JOSD2: variants seen among roughly 807,000 people sequenced by gnomAD.
JOSD2 encodes the protein Josephin domain containing 2.
A neutral mutation model predicts 19.3 loss-of-function variants in JOSD2; 20 were observed. That is an observed-to-expected ratio of 1.04 (90% CI 0.73 to 1.51). The LOEUF is 1.51. JOSD2 is among the 40% of genes most tolerant of loss of function. The probability of loss-of-function intolerance (pLI) is 0.00; values close to 1 mark genes in which losing one functional copy is unlikely to be tolerated. For missense variants in JOSD2, 215 were observed against 250.4 expected (o/e 0.86, Z 0.95); for synonymous variants, 118 against 123.7 (o/e 0.95, Z 0.31).
chr19:50,506,140 G>A lies in JOSD2; in HGVS notation c.*33C>T. 1 of 1,591,800 alleles carries A rather than the reference G, an allele frequency of 6.3e-7. No individual in the cohort carries two copies. Among genetic ancestry groups the A allele is most frequent in the Non-Finnish European group, 8.6e-7 (1 of 1,162,462 alleles). On this transcript the variant is annotated 3_prime_UTR_variant, in exon 5 of 5. Coordinates refer to ENST00000598418, the MANE Select transcript of JOSD2 (RefSeq NM_001270639.2). Reference sequence around the variant, plus strand: ...GCGCAGCCGGAGGGGGATGCGCAGGGACTGCGCTGTGGGCGCCGATGGTCA... The same window carrying A: ...GCGCAGCCGGAGGGGGATGCGCAGGAACTGCGCTGTGGGCGCCGATGGTCA...
chr19:50,506,800 TCCAC>T (rs1317084564), intron 3 of JOSD2, among the ~76,000 whole-genome samples: 1 of 14,578 alleles, frequency 6.9e-5, no homozygotes, highest in East Asian at 3.5e-3. Flanking sequence ...CCACCCACCG[TCCAC>T]CCACCCACCC....
intron 2 of JOSD2, 132 bp downstream of exon 2, chr19:50,510,154 C>G: frequency 9.4e-7 from 1 of 1,061,558 alleles, no homozygotes; most frequent in Non-Finnish European, 1.4e-6. Context: ...AGAGTCCCAG[C>G]GTCTAGCTTA....
At chr19:50,509,998 A>G in intron 2 of JOSD2, 1 of 298,248 alleles carries the variant, frequency 3.4e-6, no homozygotes, top group Non-Finnish European at 6.2e-6. Context: ...GCTCGCAGTG[A>G]GCGAGATCGC....
intron 1 of JOSD2, 93 bp downstream of exon 1, chr19:50,511,024 C>T (rs938665258): frequency 2.3e-6 from 1 of 444,186 alleles, no homozygotes; most frequent in Non-Finnish European, 4.5e-6. Context: ...CACCCAGCAA[C>T]CAGGCCCCCT....
At chr19:50,510,588 C>T in intron 1 of JOSD2, 140 bp from the exon 2 acceptor site, 1 of 708,038 alleles carries the variant, frequency 1.4e-6, no homozygotes, top group Non-Finnish European at 2.3e-6. Flanking sequence ...TGACCCCGCT[C>T]CCTGGCAGTC....
At chr19:50,509,967 G>A (rs866100474) in intron 2 of JOSD2, among the ~76,000 whole-genome samples, 2 of 149,102 alleles carry the variant, frequency 1.3e-5, no homozygotes, top group South Asian at 2.1e-4. Flanking sequence ...GCAGGAGAAT[G>A]GCATGAACCC....
In JOSD2 at chr19:50,506,044, C is replaced by T; in HGVS notation, c.*129G>A. The T allele has an allele frequency of 1.3e-6, 1 of 776,812 alleles. No homozygotes were observed. The highest frequency in any genetic ancestry group is 2.1e-6 in the Non-Finnish European group (1 of 486,482). 48.1% of individuals were successfully genotyped at this position (776,812 alleles called of 1,614,324 possible). ...TTGAGGCAGCAGCGGCAGTGGGGAG[C>T]AGGGGTGTGGGGAGGGGGCGGGGCC... is the stretch of plus-strand genomic sequence containing the variant. On this transcript the variant is annotated 3_prime_UTR_variant, in exon 5 of 5. Transcript: ENST00000598418.
chr19:50,506,632 T>C (rs1011086419), intron 3 of JOSD2, 60 bp from the exon 4 acceptor site: 3 of 1,426,004 alleles, frequency 2.1e-6, no homozygotes, highest in Non-Finnish European at 2.8e-6. Context: ...GGTGAAATGT[T>C]GCTGAACATG....
chr19:50,508,240 C>T (rs1004799862), intron 2 of JOSD2, among the ~76,000 whole-genome samples: 2 of 152,244 alleles, frequency 1.3e-5, no homozygotes, highest in Non-Finnish European at 2.9e-5. Flanking sequence ...TCAGATGTCA[C>T]GTCCTCTGAG....
At position 50,510,303 on chromosome 19, in the gene JOSD2, G is replaced by C; in HGVS notation, c.129C>G (p.Ala43=). Residue 43 remains alanine (A), a synonymous_variant, in exon 2 of 5, where the codon GCC becomes GCG. Transcript: ENST00000598418. ...ACGGTCACCTCTTGCAGATCTCATC[G>C]GCAGCCTCCTGGCTAAAGAGCTGCT... ...LQQQLFSQEA[A]DEICKRLAPD... 7 of 1,613,402 alleles carry C rather than the reference G, an allele frequency of 4.3e-6. No homozygotes were observed. The South Asian group carries it at 5.5e-5, about 13-fold the overall frequency.
chr19:50,510,113 G>A, intron 2 of JOSD2, 173 bp downstream of exon 2: 2 of 662,608 alleles, frequency 3.0e-6, no homozygotes, highest in Non-Finnish European at 5.1e-6. Flanking sequence ...AGGCCACAGG[G>A]ACAGACAGGC....
In JOSD2 at chr19:50,510,435, G is replaced by T; in HGVS notation, c.-4C>A. On this transcript the variant is annotated 5_prime_UTR_variant, in exon 2 of 5. Coordinates refer to ENST00000598418, the MANE Select transcript of JOSD2 (RefSeq NM_001270639.2). ...GTGCTCCCGGGGCCTGGGACATGCC[G>T]TCCTCGGCTCCTGCTGGGGGTTGGG... 1 of 1,603,246 alleles carries T rather than the reference G, an allele frequency of 6.2e-7. No homozygotes were observed. Among genetic ancestry groups the T allele is most frequent in the Non-Finnish European group, 8.5e-7 (1 of 1,174,402 alleles).
Position 50,506,582 on chromosome 19 carries a change from C to G in JOSD2, c.273-10G>C. 3 of 1,510,420 alleles carry G rather than the reference C, an allele frequency of 2.0e-6. No individual in the cohort carries two copies. The highest frequency in any genetic ancestry group is 2.7e-6 in the Non-Finnish European group (3 of 1,126,578). 93.6% of individuals were successfully genotyped at this position (1,510,420 alleles called of 1,614,324 possible). A position where few individuals can be genotyped will look rare whatever the true frequency, so the allele number is the denominator to read the frequency against. ...CAGCTGGGACAGGGGCCTGTGTGGGCAGGGAGGGGACACTGCCATCAGGGC... is the reference window on the plus strand; with the variant it reads ...CAGCTGGGACAGGGGCCTGTGTGGGGAGGGAGGGGACACTGCCATCAGGGC... On this transcript the variant is annotated splice_polypyrimidine_tract_variant and intron_variant, in intron 3 of 4. Transcript: ENST00000598418.
intron 3 of JOSD2, 90 bp from the exon 4 acceptor site, chr19:50,506,662 G>T: frequency 8.1e-7 from 1 of 1,231,112 alleles, no homozygotes; most frequent in Non-Finnish European, 1.1e-6. Flanking sequence ...GGCTGGTGGT[G>T]GTGAGGGCCT....
At position 50,510,753 on chromosome 19, in the gene JOSD2, G is replaced by A. The variant is rs189313579; in HGVS notation, c.-17-305C>T. The stretch of plus-strand genomic sequence containing the variant: ...TAGCAACAGAGGAACCTGCCTCCCC[G>A]TCCCTAGGTAACCAGGGCGCTCTGT... On this transcript the variant is annotated intron_variant, in intron 1 of 4. Transcript: ENST00000598418. Among the ~76,000 whole-genome samples the A allele has an allele frequency of 3.9e-3, 597 of 151,588 alleles. 4 individuals are homozygous for A. The highest frequency in any genetic ancestry group is 6.7e-3 in the Non-Finnish European group (456 of 67,924).
At chr19:50,507,484 C>A (rs1979446142) in intron 3 of JOSD2, 90 bp downstream of exon 3, 2 of 1,495,762 alleles carry the variant, frequency 1.3e-6, no homozygotes, top group Non-Finnish European at 8.9e-7. Context: ...CTCCCCCAGC[C>A]ACATTCCCCT....
At chr19:50,510,207 G>A (rs1601352728) in intron 2 of JOSD2, 79 bp downstream of exon 2, 1 of 1,572,568 alleles carries the variant, frequency 6.4e-7, no homozygotes, top group East Asian at 2.2e-5. Context: ...AAGGCTCAGC[G>A]CCTGCCTGGC....
Position 50,507,614 on chromosome 19 carries a change from G to A in JOSD2, c.232C>T (p.Gln78Ter), listed in dbSNP as rs1979459317. The A allele has an allele frequency of 6.2e-7, 1 of 1,610,102 alleles. No individual in the cohort carries two copies. Among genetic ancestry groups the A allele is most frequent in the Non-Finnish European group, 8.5e-7 (1 of 1,179,896 alleles). ...YDVNVIMAAL[Q>*]GLGLAAVWWD... ...CACACGGCGGCCAGGCCCAGCCCCTGCAGAGCGGCCATGATCACATTGACA... is the reference window on the plus strand; with the variant it reads ...CACACGGCGGCCAGGCCCAGCCCCTACAGAGCGGCCATGATCACATTGACA... The change falls in exon 3 of 5, where the codon CAG becomes TAG. Residue 78 changes from glutamine to a stop codon, truncating the protein, a stop_gained. Coordinates refer to ENST00000598418, the MANE Select transcript of JOSD2 (RefSeq NM_001270639.2). LOFTEE classifies it high-confidence loss of function.
chr19:50,506,548 G>A lies in JOSD2; in HGVS notation c.297C>T (p.Pro99=), dbSNP rs758303162. 1.7e-4 allele frequency: 258 copies of A among 1,545,304 alleles called. No individual in the cohort carries two copies. The highest frequency in any genetic ancestry group is 2.1e-4 in the Non-Finnish European group (244 of 1,143,978). The change falls in exon 4 of 5, where the codon CCC becomes CCT. Residue 99 remains proline, a synonymous_variant. Transcript: ENST00000598418. ...RRRPLSQLAL[P]QVLGLILNLP... ...GGTTCAGGATCAGCCCCAGTACCTG[G>A]GGCAGGGCCAGCTGGGACAGGGGCC...
Sources: allele counts gnomAD v4.1 joint callset (sites outside exome capture counted in the v4.1 genomes callset), GRCh38; gene constraint gnomAD v4.1.1; transcripts MANE v1.5; gene names NCBI Gene and HGNC (gene_info 2026-07-23, HGNC 2026-07-21).